The following ORC3 variants were observed in gnomAD, a reference collection of about 807,000 sequenced individuals.
The protein encoded by ORC3 is homolog of latheo, Drosophila.
A neutral mutation model predicts 100.7 loss-of-function variants in ORC3; 78 were observed. The observed-to-expected ratio is 0.77, with a 90% CI of 0.65 to 0.94. The LOEUF is 0.94. ORC3 is among the 40% of genes least tolerant of loss of function. The probability of loss-of-function intolerance (pLI) is 0.00; values close to 1 mark genes in which losing one functional copy is unlikely to be tolerated. For synonymous variants in ORC3, 295 were observed against 289.3 expected, an observed-to-expected ratio of 1.02 and a Z score of -0.20; for missense variants, 789 against 823.9, an observed-to-expected ratio of 0.96 and a Z score of 0.52.
rs559505238 is a variant in ORC3 at position 87,659,351 on chromosome 6, C to T, written c.1691+1333C>T. 2.4e-3 allele frequency among the ~76,000 whole-genome samples: 359 copies of T among 150,354 alleles called. 4 individuals carry two copies. Among genetic ancestry groups the T allele is most frequent in the African/African-American group, 8.3e-3 (338 of 40,842 alleles). On this transcript the variant is annotated intron_variant, in intron 16 of 19. Coordinates refer to ENST00000392844, the MANE Select transcript of ORC3 (RefSeq NM_012381.4). ...TGCTGGGATTACAGGCGTGAGCCAC[C>T]GCGCCCGGCCCTGTTTATTGTAATT...
At position 87,653,228 on chromosome 6, in the gene ORC3, G is replaced by A. The variant is rs540832273; in HGVS notation, c.1495G>A (p.Ala499Thr). Residue 499 changes from alanine (A) to threonine (T), a missense_variant, in exon 14 of 20, where the codon GCC (alanine) becomes ACC (threonine). This residue lies in a region of ORC3 where 366 missense variants were observed against 394.2 expected (regional missense o/e 0.93). Transcript: ENST00000392844. Reference sequence around the variant, plus strand: ...AGCTAAGAGAATAGAGGAGTTCCTGGCCCAGTTTCAGAGCCTCGATGGTAA... The same window carrying A: ...AGCTAAGAGAATAGAGGAGTTCCTGACCCAGTTTCAGAGCCTCGATGGTAA... ...STAKRIEEFL[A>T]QFQSLDETKE... The A allele has an allele frequency of 4.0e-5, 65 of 1,613,604 alleles. 1 individual carries two copies. The South Asian group carries it at 7.0e-4, about 17-fold the overall frequency.
chr6:87,671,259 A>T (rs907843942), downstream of ORC3, among the ~76,000 whole-genome samples: 1 of 152,170 alleles, frequency 6.6e-6, no homozygotes, highest in Non-Finnish European at 1.5e-5. Context: ...AAATAATCCA[A>T]GCAAGCTATG....
intron 14 of ORC3, 151 bp from the exon 15 acceptor site, chr6:87,656,755 T>G (rs1769734191): frequency 1.9e-6 from 1 of 532,426 alleles, no homozygotes; most frequent in African/African-American, 1.9e-5. Flanking sequence ...TCAGCTTCTG[T>G]AAGAAATCAT....
At chr6:87,621,624 T>C in intron 10 of ORC3, 137 bp downstream of exon 10, 1 of 697,580 alleles carries the variant, frequency 1.4e-6, no homozygotes. Context: ...TTTCCCTTGT[T>C]GGATTTGAAA....
chr6:87,669,532 T>C (rs534173878), downstream of ORC3, among the ~76,000 whole-genome samples: 1 of 152,300 alleles, frequency 6.6e-6, no homozygotes, highest in South Asian at 2.1e-4. Flanking sequence ...TTGGAATCCA[T>C]GTATTAAAGA....
intron 11 of ORC3, among the ~76,000 whole-genome samples, chr6:87,623,584 T>C (rs1306108639): frequency 1.3e-5 from 2 of 152,126 alleles, no homozygotes; most frequent in African/African-American, 2.4e-5. Context: ...TAGTGTATTA[T>C]AGAAATTGCC....
intron 8 of ORC3, among the ~76,000 whole-genome samples, chr6:87,613,161 A>G (rs527984606): frequency 2.6e-5 from 4 of 152,216 alleles, no homozygotes; most frequent in South Asian, 2.1e-4. Context: ...ATGGACTCAT[A>G]GTTCCACTTG....
At chr6:87,609,392 A>G (rs1204663388) in intron 7 of ORC3, 163 bp downstream of exon 7, 2 of 538,938 alleles carry the variant, frequency 3.7e-6, no homozygotes, top group Non-Finnish European at 6.1e-6. Context: ...CAGATTTTCC[A>G]TTTGCTTTTT....
chr6:87,676,774 CA>C, the ORC3 span, among the ~76,000 whole-genome samples: 8 of 142,726 alleles, frequency 5.6e-5, no homozygotes, highest in African/African-American at 2.1e-4. Context: ...AGTGAGACTC[CA>C]TCTTAAAAAA....
chr6:87,597,765 G>T (rs1354597756), intron 2 of ORC3, among the ~76,000 whole-genome samples: 1 of 150,876 alleles, frequency 6.6e-6, no homozygotes, highest in East Asian at 1.9e-4. Context: ...TGTTGCCCAG[G>T]CTGGTCCTGA....
chr6:87,675,333 AAT>A, the ORC3 span: 5 of 514,964 alleles, frequency 9.7e-6, no homozygotes, highest in African/African-American at 9.5e-5. Context: ...TTCAAACATT[AAT>A]ATAAGAAGCC....
chr6:87,607,735 T>A lies in ORC3; in HGVS notation c.490T>A (p.Ser164Thr). ...GATGGACTGCTGTGTAGATATAAAA[T>A]CCAAAGAGGAGGAAAGTGTTCACGT... ...QLMDCCVDIK[S>T]KEEESVHVTQ... Residue 164 changes from serine (S) to threonine (T), a missense_variant, in exon 6 of 20, where the codon TCC (serine) becomes ACC (threonine). This residue lies in a region of ORC3 where 399 missense variants were observed against 382.0 expected (regional missense o/e 1.04). Coordinates refer to ENST00000392844, the MANE Select transcript of ORC3 (RefSeq NM_012381.4). 1 of 1,612,112 alleles carries A rather than the reference T, an allele frequency of 6.2e-7. No homozygotes were observed. The highest frequency in any genetic ancestry group is 1.3e-5 in the African/African-American group (1 of 74,906).
chr6:87,665,686 G>T, intron 18 of ORC3, 68 bp from the exon 19 acceptor site: 1 of 859,060 alleles, frequency 1.2e-6, no homozygotes, highest in Non-Finnish European at 1.9e-6. Context: ...GCCATTAAAA[G>T]AAGTATAGTA....
chr6:87,663,584 CAAAG>C (rs1317821574), intron 17 of ORC3, among the ~76,000 whole-genome samples: 1 of 152,168 alleles, frequency 6.6e-6, no homozygotes, highest in East Asian at 1.9e-4. Flanking sequence ...GATTTTAAAA[CAAAG>C]AAAGGTCTAT....
chr6:87,639,586 C>G (rs1665526214), intron 13 of ORC3, among the ~76,000 whole-genome samples: 1 of 152,114 alleles, frequency 6.6e-6, no homozygotes, highest in African/African-American at 2.4e-5. Flanking sequence ...CAGGCCTGAC[C>G]CAGCCTGGGG....
intron 15 of ORC3, 144 bp downstream of exon 15, chr6:87,657,126 A>G (rs2128292464): frequency 1.6e-6 from 1 of 608,224 alleles, no homozygotes; most frequent in Admixed American, 2.6e-5. Flanking sequence ...CTCACTTCTA[A>G]GTTGAACATC....
At chr6:87,609,750 C>A (rs1267519943) in intron 7 of ORC3, among the ~76,000 whole-genome samples, 1 of 151,950 alleles carries the variant, frequency 6.6e-6, no homozygotes, top group Non-Finnish European at 1.5e-5. Context: ...CAGAGTTTCA[C>A]CATGTTGGCC....
downstream of ORC3, among the ~76,000 whole-genome samples, chr6:87,668,984 A>G (rs1418187327): frequency 6.6e-6 from 1 of 152,014 alleles, no homozygotes; most frequent in Non-Finnish European, 1.5e-5. Context: ...CTCTGTATCA[A>G]AAAAATAAAA....
At chr6:87,674,369 G>C in the ORC3 span, among the ~76,000 whole-genome samples, 4,589 of 147,670 alleles carry the variant, frequency 0.031, 239 homozygotes, top group African/African-American at 0.11. Context: ...GTGTATTTAA[G>C]ATTGTCTTAA....
Sources: allele counts gnomAD v4.1 joint callset (sites outside exome capture counted in the v4.1 genomes callset), GRCh38; gene constraint gnomAD v4.1.1; regional missense constraint gnomAD v4.1.1; transcripts MANE v1.5; gene names NCBI Gene and HGNC (gene_info 2026-07-23, HGNC 2026-07-21).